Variants in DPYSL5 observed in about 807,000 individuals in gnomAD.
DPYSL5 encodes the protein dihydropyrimidinase like 5.
A neutral mutation model predicts 58.4 loss-of-function variants in DPYSL5; 9 were observed. That is an observed-to-expected ratio of 0.15 (90% confidence interval 0.09 to 0.27). DPYSL5 has a LOEUF of 0.27. Ranked by LOEUF, DPYSL5 falls within the 10% of genes least tolerant of loss-of-function variation. The pLI is 1.00. For synonymous variants in DPYSL5, 293 were observed against 301.9 expected, an observed-to-expected ratio of 0.97 and a Z score of 0.31; for missense variants, 499 against 770.6, an observed-to-expected ratio of 0.65 and a Z score of 4.17.
At chr2:26,929,255 G>A (rs1664911591) in intron 5 of DPYSL5, among the ~76,000 whole-genome samples, 1 of 152,066 alleles carries the variant, frequency 6.6e-6, no homozygotes, top group African/African-American at 2.4e-5. Flanking sequence ...ATTTTGAGAT[G>A]GAGTCTCGCT....
At chr2:26,919,866 T>G (rs1664660954) in intron 2 of DPYSL5, among the ~76,000 whole-genome samples, 1 of 152,166 alleles carries the variant, frequency 6.6e-6, no homozygotes, top group African/African-American at 2.4e-5. Flanking sequence ...GTCCATGAAC[T>G]TGGAAATGCA....
At chr2:26,884,366 G>A (rs952629088) in intron 1 of DPYSL5, among the ~76,000 whole-genome samples, 1 of 152,178 alleles carries the variant, frequency 6.6e-6, no homozygotes, top group Non-Finnish European at 1.5e-5. Context: ...AGCCTGCCCA[G>A]GCCTCAAGTA....
chr2:26,940,212 C>G (rs1329612237), intron 9 of DPYSL5, 40 bp downstream of exon 9: 4 of 1,605,888 alleles, frequency 2.5e-6, no homozygotes, highest in African/African-American at 1.3e-5. Flanking sequence ...GATCCCTGCT[C>G]TAATCCCCGT....
chr2:26,928,752 C>CGTGTGTGTGTGTGTGTGTGTGT (rs775375591), intron 5 of DPYSL5, among the ~76,000 whole-genome samples: 1 of 86,704 alleles, frequency 1.2e-5, no homozygotes, highest in African/African-American at 4.2e-5. Context: ...CACACACATA[C>CGTGTGTGTGTGTGTGTGTGTGT]GTGTGTGCGT....
intron 2 of DPYSL5, among the ~76,000 whole-genome samples, chr2:26,902,170 G>C (rs1381625678): frequency 1.3e-5 from 2 of 152,160 alleles, no homozygotes; most frequent in Non-Finnish European, 1.5e-5. Context: ...TGGGGTGGCA[G>C]GGGGAGAGGG....
chr2:26,875,420 G>C (rs1663386802), intron 1 of DPYSL5, among the ~76,000 whole-genome samples: 1 of 152,208 alleles, frequency 6.6e-6, no homozygotes, highest in East Asian at 1.9e-4. Flanking sequence ...ACAGGTGGGG[G>C]ACCACAGGTG....
chr2:26,850,867 C>T lies in DPYSL5; in HGVS notation c.-5+2613C>T, dbSNP rs532130655. On this transcript the variant is annotated intron_variant, in intron 1 of 12. Coordinates refer to ENST00000288699, the MANE Select transcript of DPYSL5 (RefSeq NM_020134.4). ...AGGATGGTGTTTTGAGGAGGTGCCT[C>T]ACAGAATTTACAAAACTGATCTGGA... Among the ~76,000 whole-genome samples the T allele has an allele frequency of 9.9e-5, 15 of 152,256 alleles. No homozygotes were observed. The South Asian group carries it at 2.9e-3, about 29-fold the overall frequency.
At position 26,927,224 on chromosome 2, in the gene DPYSL5, G is replaced by A; in HGVS notation, c.421-29G>A. ...CGGCCTCTTGGGTGTCTGCCCTCAC[G>A]CAGCATTGCCCTTCTACTTGTTCTC... On this transcript the variant is annotated intron_variant, in intron 3 of 12. Coordinates refer to ENST00000288699, the MANE Select transcript of DPYSL5 (RefSeq NM_020134.4). The surrounding 1 kb of genome is among the most constrained non-coding windows in gnomAD (Gnocchi z 4.3). 1.9e-6 allele frequency: 3 copies of A among 1,597,006 alleles called. No individual in the cohort carries two copies. The highest frequency in any genetic ancestry group is 2.6e-6 in the Non-Finnish European group (3 of 1,169,928).
intron 1 of DPYSL5, among the ~76,000 whole-genome samples, chr2:26,874,795 C>T (rs578138366): frequency 2.7e-3 from 405 of 152,200 alleles, no homozygotes; most frequent in African/African-American, 9.4e-3. Flanking sequence ...TGTTCTTTTC[C>T]AAAATTGGTT....
intron 11 of DPYSL5, among the ~76,000 whole-genome samples, chr2:26,943,712 G>T (rs570310379): frequency 6.6e-6 from 1 of 152,202 alleles, no homozygotes; most frequent in African/African-American, 2.4e-5. Flanking sequence ...TCTGATGTAG[G>T]TATAGTATTA....
At chr2:26,848,898 G>A (rs1266227807) in intron 1 of DPYSL5, among the ~76,000 whole-genome samples, 1 of 152,198 alleles carries the variant, frequency 6.6e-6, no homozygotes, top group African/African-American at 2.4e-5. Flanking sequence ...GCGCCGAGCC[G>A]GGTCCCTCGG....
chr2:26,922,304 G>C (rs570240357), intron 2 of DPYSL5, among the ~76,000 whole-genome samples: 15 of 152,346 alleles, frequency 9.8e-5, no homozygotes, highest in African/African-American at 3.6e-4. Flanking sequence ...CGTGTGGGCT[G>C]GGGGCAGGCA....
At chr2:26,866,659 T>C (rs554354476) in intron 1 of DPYSL5, among the ~76,000 whole-genome samples, 50 of 152,154 alleles carry the variant, frequency 3.3e-4, no homozygotes, top group African/African-American at 1.1e-3. Flanking sequence ...TAATATCACA[T>C]GAACCCCCCA....
intron 1 of DPYSL5, among the ~76,000 whole-genome samples, chr2:26,887,392 G>T (rs1013902126): frequency 6.6e-6 from 1 of 152,224 alleles, no homozygotes; most frequent in East Asian, 1.9e-4. Flanking sequence ...AGGGGCAGCC[G>T]TGCAGGCCAG....
chr2:26,913,543 T>C (rs960030485), intron 2 of DPYSL5, among the ~76,000 whole-genome samples: 2 of 152,226 alleles, frequency 1.3e-5, no homozygotes, highest in African/African-American at 4.8e-5. Context: ...TACCACCTTT[T>C]AGCTGCTGTG....
intron 6 of DPYSL5, among the ~76,000 whole-genome samples, chr2:26,932,638 C>A (rs897500169): frequency 1.3e-5 from 2 of 152,188 alleles, no homozygotes; most frequent in African/African-American, 4.8e-5. Context: ...AAAGTCAGTT[C>A]CTTGCCTTTT....
intron 2 of DPYSL5, among the ~76,000 whole-genome samples, chr2:26,900,388 GC>G (rs1664125430): frequency 6.6e-6 from 1 of 152,130 alleles, no homozygotes; most frequent in African/African-American, 2.4e-5. Context: ...CTTCGCATTG[GC>G]TTCTTTTGCT....
intron 1 of DPYSL5, among the ~76,000 whole-genome samples, chr2:26,866,644 C>T (rs975626250): frequency 6.6e-6 from 1 of 151,900 alleles, no homozygotes; most frequent in African/African-American, 2.4e-5. Flanking sequence ...TATATACATA[C>T]ATCATAATAT....
At chr2:26,928,362 A>C in intron 5 of DPYSL5, 39 bp downstream of exon 5, 293 of 1,600,420 alleles carry the variant, frequency 1.8e-4, no homozygotes, top group Non-Finnish European at 2.3e-4. Flanking sequence ...AGCGTCTCTC[A>C]TGTAGATTGA....
Sources: allele counts gnomAD v4.1 joint callset (sites outside exome capture counted in the v4.1 genomes callset), GRCh38; gene constraint gnomAD v4.1.1; non-coding constraint Gnocchi (gnomAD v3.1); transcripts MANE v1.5; gene names NCBI Gene and HGNC (gene_info 2026-07-23, HGNC 2026-07-21).